IL17B: variants seen among roughly 807,000 people sequenced by gnomAD.
The protein encoded by IL17B is interleukin 17B, also known as interleukin-17B.
IL17B carries 14 observed loss-of-function variants against 14.7 expected under a neutral mutation model. The observed-to-expected ratio is 0.95, with a 90% confidence interval of 0.63 to 1.49. The LOEUF is 1.49. IL17B is among the 40% of genes most tolerant of loss of function. The pLI is 0.00. For synonymous variants in IL17B, 105 were observed against 94.8 expected (o/e 1.11, Z -0.62); for missense variants, 233 against 252.8 (o/e 0.92, Z 0.53).
At chr5:149,398,486 C>G (rs78713358) in intron 1 of IL17B, among the ~76,000 whole-genome samples, 1 of 152,228 alleles carries the variant, frequency 6.6e-6, no homozygotes, top group East Asian at 1.9e-4. Context: ...GCGGCAGACA[C>G]AGACACAGCC....
intron 1 of IL17B, among the ~76,000 whole-genome samples, chr5:149,389,346 A>C (rs1300384019): frequency 6.6e-6 from 1 of 152,256 alleles, no homozygotes; most frequent in Admixed American, 6.5e-5. Flanking sequence ...GGAAGATCAA[A>C]TTTGGAAAAG....
At chr5:149,379,568 G>A (rs896589714), upstream of IL17B, among the ~76,000 whole-genome samples, 1 of 152,222 alleles carries the variant, frequency 6.6e-6, no homozygotes, top group Non-Finnish European at 1.5e-5. Flanking sequence ...GCACCCACAG[G>A]GCCAGCTAAG....
At chr5:149,385,705 GTCTGGATTCACAAGA>G (rs1758813152) in intron 1 of IL17B, among the ~76,000 whole-genome samples, 1 of 152,246 alleles carries the variant, frequency 6.6e-6, no homozygotes, top group Non-Finnish European at 1.5e-5. Context: ...TTTACAGGAC[GTCTGGATTCACAAGA>G]TCTGGAATTC....
chr5:149,380,676 G>A (rs1198269465), upstream of IL17B, among the ~76,000 whole-genome samples: 3 of 152,230 alleles, frequency 2.0e-5, no homozygotes, highest in African/African-American at 4.8e-5. Context: ...GGAATGTGAG[G>A]AGGACAGAGG....
At chr5:149,388,879 A>G (rs1758882758) in intron 1 of IL17B, among the ~76,000 whole-genome samples, 1 of 152,210 alleles carries the variant, frequency 6.6e-6, no homozygotes, top group East Asian at 1.9e-4. Context: ...CCCCAGCCAC[A>G]TATTTCCTTT....
intron 1 of IL17B, among the ~76,000 whole-genome samples, chr5:149,391,391 G>A (rs917503256): frequency 2.6e-5 from 4 of 152,160 alleles, no homozygotes; most frequent in Admixed American, 6.5e-5. Flanking sequence ...AGCCACGGGG[G>A]TGTCACCAAG....
In IL17B at chr5:149,374,463, C is replaced by T. The variant is rs765240048; in HGVS notation, c.449G>A (p.Arg150His). Reference protein sequence around the residue: ...SVPVFSQVPVRRRLCPPPPRT... With the variant: ...SVPVFSQVPVHRRLCPPPPRT... ...GGGCGGTGGCGGGCAGAGGCGGCGG[C>T]GCACAGGAACCTGGCTGAACACCGG... Residue 150 changes from arginine (R) to histidine (H), a missense_variant, in exon 3 of 3, where the codon CGC (arginine) becomes CAC (histidine). By Grantham distance (29) the Arg-to-His change is conservative (BLOSUM62 0). Coordinates refer to ENST00000261796, the MANE Select transcript of IL17B (RefSeq NM_014443.3). The surrounding 1 kb of genome is among the most constrained non-coding windows in gnomAD (Gnocchi z 5.0). The T allele has an allele frequency of 2.9e-5, 47 of 1,612,010 alleles. No homozygotes were observed. Among genetic ancestry groups the T allele is most frequent in the South Asian group, 7.7e-5 (7 of 91,056 alleles).
intron 1 of IL17B, among the ~76,000 whole-genome samples, chr5:149,391,063 C>G (rs539141938): frequency 1.6e-4 from 25 of 152,190 alleles, no homozygotes; most frequent in African/African-American, 5.8e-4. Flanking sequence ...CTCCACCTCC[C>G]AGGTTCAAGC....
chr5:149,374,843 T>G lies in IL17B; in HGVS notation c.312-243A>C, dbSNP rs368818547. The G allele has an allele frequency of 1.2e-4, 60 of 488,460 alleles. No homozygotes were observed. Among genetic ancestry groups the G allele is most frequent in the African/African-American group, 1.0e-3 (55 of 52,564 alleles). The allele number at this position is 488,460 out of a possible 1,614,324, so 30.3% of individuals were successfully genotyped here. The stretch of plus-strand genomic sequence containing the variant: ...GGTCACCAGTCACCCAGCTTCCTTC[T>G]TTCGTGCAGCCAGATGCCCATCCCA... On this transcript the variant is annotated intron_variant, in intron 2 of 2. Coordinates refer to ENST00000261796, the MANE Select transcript of IL17B (RefSeq NM_014443.3). The surrounding 1 kb of genome is among the most constrained non-coding windows in gnomAD (Gnocchi z 5.0).
At position 149,374,414 on chromosome 5, in the gene IL17B, G is replaced by T. The variant is rs150719306; in HGVS notation, c.498C>A (p.Arg166=). ...PPPRTGPCRQ[R]AVMETIAVGC... is the part of the protein sequence containing the mutation. ...CCACAGCGATGGTCTCCATGACTGC[G>T]CGCTGGCGGCAAGGCCCTGTGCGGG... Residue 166 remains arginine (R), a synonymous_variant, in exon 3 of 3, where the codon CGC becomes CGA. Transcript: ENST00000261796. The surrounding 1 kb of genome is among the most constrained non-coding windows in gnomAD (Gnocchi z 5.0). The T allele has an allele frequency of 1.2e-6, 2 of 1,603,774 alleles. No individual in the cohort carries two copies. Among genetic ancestry groups the T allele is most frequent in the Non-Finnish European group, 1.7e-6 (2 of 1,177,642 alleles).
intron 1 of IL17B, among the ~76,000 whole-genome samples, chr5:149,391,403 G>A (rs1758950684): frequency 6.6e-6 from 1 of 152,218 alleles, no homozygotes; most frequent in Admixed American, 6.5e-5. Context: ...GTCACCAAGT[G>A]ACTGCCTGCC....
At chr5:149,390,467 C>T (rs181249318) in intron 1 of IL17B, among the ~76,000 whole-genome samples, 1 of 151,586 alleles carries the variant, frequency 6.6e-6, no homozygotes, top group East Asian at 1.9e-4. Context: ...TGACACCCCC[C>T]TCCTCATTCA....
At chr5:149,403,465 C>G (rs1021268992) in intron 1 of IL17B, among the ~76,000 whole-genome samples, 1 of 152,132 alleles carries the variant, frequency 6.6e-6, no homozygotes, top group Non-Finnish European at 1.5e-5. Context: ...CATTTCATCA[C>G]TAATTGTCCA....
chr5:149,379,984 C>T (rs1758649083), upstream of IL17B, among the ~76,000 whole-genome samples: 1 of 152,172 alleles, frequency 6.6e-6, no homozygotes, highest in African/African-American at 2.4e-5. Flanking sequence ...AGCTGTACGC[C>T]CTCACTCTGG....
exon 1 of IL17B, chr5:149,404,119 C>T (rs1759267536): frequency 6.6e-6 from 1 of 152,224 alleles, no homozygotes; most frequent in African/African-American, 2.4e-5. Context: ...AAGCCGCAGT[C>T]TGTCGACCTG....
At chr5:149,385,513 C>T (rs190815527) in intron 1 of IL17B, among the ~76,000 whole-genome samples, 51 of 152,374 alleles carry the variant, frequency 3.3e-4, no homozygotes, top group Admixed American at 2.0e-3. Flanking sequence ...GCCTCAGGCC[C>T]CCATGTGGGG....
intron 1 of IL17B, among the ~76,000 whole-genome samples, chr5:149,401,686 C>T (rs990245649): frequency 6.6e-6 from 1 of 152,096 alleles, no homozygotes; most frequent in Non-Finnish European, 1.5e-5. Flanking sequence ...ACCCAGGAGG[C>T]GGAAGTTACA....
chr5:149,402,272 A>G (rs1759220453), intron 1 of IL17B, among the ~76,000 whole-genome samples: 1 of 152,196 alleles, frequency 6.6e-6, no homozygotes, highest in Non-Finnish European at 1.5e-5. Flanking sequence ...CAGCCACGGT[A>G]GTGGAAGACG....
At chr5:149,396,007 T>A (rs933999546) in intron 1 of IL17B, among the ~76,000 whole-genome samples, 8 of 152,348 alleles carry the variant, frequency 5.3e-5, no homozygotes, top group South Asian at 4.1e-4. Context: ...TGGCCCATAT[T>A]TTTAAACTGA....
Sources: allele counts gnomAD v4.1 joint callset (sites outside exome capture counted in the v4.1 genomes callset), GRCh38; gene constraint gnomAD v4.1.1; non-coding constraint Gnocchi (gnomAD v3.1); transcripts MANE v1.5; gene names NCBI Gene and HGNC (gene_info 2026-07-23, HGNC 2026-07-21).